The following KICS2 variants were observed in gnomAD, a reference collection of about 807,000 sequenced individuals.
KICS2 encodes the protein KICSTOR complex protein C12orf66.
In KICS2, 13 loss-of-function variants were observed where a neutral mutation model predicts 31.4. The ratio of observed to expected loss-of-function variants is 0.41; its 90% CI spans 0.27 to 0.66. The LOEUF (loss-of-function observed/expected upper bound fraction) is 0.66, where lower values mean the gene tolerates loss of function less well. Among genes scored for constraint, KICS2 ranks in the 30% least tolerant of loss-of-function variants. The pLI is 0.28. For missense variants in KICS2, 455 were observed against 545.4 expected (o/e 0.83, Z 1.65); for synonymous variants, 209 against 214.8 (o/e 0.97, Z 0.24).
chr12:64,210,880 T>A (rs1348912910), intron 2 of KICS2, among the ~76,000 whole-genome samples: 3 of 152,112 alleles, frequency 2.0e-5, no homozygotes, highest in Admixed American at 2.0e-4. Flanking sequence ...CACACACACA[T>A]CAGTAAGGTT....
At position 64,215,744 on chromosome 12, in the gene KICS2, T is replaced by G. The variant is rs1401022888; in HGVS notation, c.455A>C (p.Gln152Pro). ...FYEKMYTLST[Q>P]KFINAEELVG... ...GAGCTCTTCAGCATTGATGAACTTC[T>G]GTGTGCTGAGGGTGTACATCTTCTC... Residue 152 changes from glutamine (Q) to proline (P), a missense_variant, in exon 2 of 3, where the codon CAG becomes CCG. Physicochemically the swap from Gln to Pro is moderately conservative, Grantham distance 76 (BLOSUM62 -1). Transcript: ENST00000398055. The G allele has an allele frequency of 6.2e-7, 1 of 1,614,028 alleles. No individual in the cohort carries two copies. Among genetic ancestry groups the G allele is most frequent in the African/African-American group, 1.3e-5 (1 of 74,926 alleles).
chr12:64,218,966 G>A (rs2037654792), intron 1 of KICS2, among the ~76,000 whole-genome samples: 1 of 152,154 alleles, frequency 6.6e-6, no homozygotes, highest in South Asian at 2.1e-4. Flanking sequence ...AGCGGGGACT[G>A]ACCTTTCTTC....
rs1419609192 is a variant in KICS2 at position 64,194,200 on chromosome 12, C to A, written c.980G>T (p.Gly327Val). ...GGAATGGGGGTGGTGATAACCATGA[C>A]CCTGAAAACTCTCAGAACCTCTGTT... is the stretch of plus-strand genomic sequence containing the variant. ...FDNRGSESFQ[G>V]HGYHHPHSYR... Residue 327 changes from glycine to valine, a missense_variant, in exon 3 of 3, where the codon GGT (glycine) becomes GTT (valine). Gly to Val is a moderately radical substitution (Grantham distance 109). Transcript: ENST00000398055. 6.2e-7 allele frequency: 1 copy of A among 1,614,086 alleles called. No homozygotes were observed. The highest frequency in any genetic ancestry group is 1.1e-5 in the South Asian group (1 of 91,088).
chr12:64,200,093 GA>G (rs961298560), intron 2 of KICS2, among the ~76,000 whole-genome samples: 1 of 108,930 alleles, frequency 9.2e-6, no homozygotes, highest in Non-Finnish European at 1.8e-5. Flanking sequence ...CACAGAATTG[GA>G]AAAAACTACT....
At chr12:64,205,471 G>A (rs1202457127) in intron 2 of KICS2, among the ~76,000 whole-genome samples, 2 of 152,140 alleles carry the variant, frequency 1.3e-5, no homozygotes, top group African/African-American at 4.8e-5. Context: ...CGTATCATAG[G>A]AGGCTCTGTT....
At chr12:64,189,729 A>G (rs1361242774), downstream of KICS2, among the ~76,000 whole-genome samples, 1 of 152,164 alleles carries the variant, frequency 6.6e-6, no homozygotes, top group Non-Finnish European at 1.5e-5. Context: ...GGCCATAAAA[A>G]CACTGGGCAA....
chr12:64,215,748 T>C lies in KICS2; in HGVS notation c.451A>G (p.Thr151Ala). Reference sequence around the variant, plus strand: ...TCTTCAGCATTGATGAACTTCTGTGTGCTGAGGGTGTACATCTTCTCATAG... The same window carrying C: ...TCTTCAGCATTGATGAACTTCTGTGCGCTGAGGGTGTACATCTTCTCATAG... ...DFYEKMYTLSTQKFINAEELV... is the reference protein window; with the variant it reads ...DFYEKMYTLSAQKFINAEELV... The change falls in exon 2 of 3, where the codon ACA becomes GCA. Residue 151 changes from threonine to alanine, a missense_variant. Physicochemically the swap from Thr to Ala is moderately conservative, Grantham distance 58 (BLOSUM62 0). Coordinates refer to ENST00000398055, the MANE Select transcript of KICS2 (RefSeq NM_152440.5). 6.2e-7 allele frequency: 1 copy of C among 1,614,096 alleles called. No homozygotes were observed. Among genetic ancestry groups the C allele is most frequent in the Non-Finnish European group, 8.5e-7 (1 of 1,180,024 alleles).
chr12:64,218,182 C>T (rs1388323750), intron 1 of KICS2, among the ~76,000 whole-genome samples: 3 of 152,206 alleles, frequency 2.0e-5, no homozygotes, highest in African/African-American at 7.2e-5. Context: ...TGCCCATATT[C>T]AGTTTAGCTC....
intron 2 of KICS2, among the ~76,000 whole-genome samples, chr12:64,211,162 A>T (rs2037579229): frequency 6.6e-6 from 1 of 152,206 alleles, no homozygotes; most frequent in Admixed American, 6.5e-5. Context: ...ACTGTACTTC[A>T]GTTTTGGGGT....
At chr12:64,217,017 T>C (rs1047512313) in intron 1 of KICS2, among the ~76,000 whole-genome samples, 1 of 152,230 alleles carries the variant, frequency 6.6e-6, no homozygotes, top group African/African-American at 2.4e-5. Flanking sequence ...CATATACCTG[T>C]AATTAGGAAT....
Position 64,222,092 on chromosome 12 carries a change from C to T in KICS2, c.146G>A (p.Gly49Asp). The T allele has an allele frequency of 6.2e-7, 1 of 1,613,932 alleles. No homozygotes were observed. Among genetic ancestry groups the T allele is most frequent in the Non-Finnish European group, 8.5e-7 (1 of 1,179,918 alleles). ...GGCCGCCAGCAGCGACAGCCAGCTG[C>T]CCCCCGCGCTCTTGTTGGCCTCTCG... is the stretch of plus-strand genomic sequence containing the variant. ...KEREANKSAG[G>D]SWLSLLAALA... The change falls in exon 1 of 3, where the codon GGC becomes GAC. Residue 49 changes from glycine (G) to aspartate (D), a missense_variant. Gly to Asp is a moderately conservative substitution (Grantham distance 94). Coordinates refer to ENST00000398055, the MANE Select transcript of KICS2 (RefSeq NM_152440.5).
chr12:64,195,164 C>G (rs1176407135), intron 2 of KICS2, among the ~76,000 whole-genome samples: 1 of 152,180 alleles, frequency 6.6e-6, no homozygotes, highest in Admixed American at 6.5e-5. Context: ...ATCTTCCCAC[C>G]TTGGCCTTCC....
chr12:64,188,809 C>T (rs1228831895), downstream of KICS2, among the ~76,000 whole-genome samples: 1 of 151,968 alleles, frequency 6.6e-6, no homozygotes, highest in Non-Finnish European at 1.5e-5. Flanking sequence ...TTTAAAACTC[C>T]CCATTGTCTG....
chr12:64,212,930 A>C (rs140872716), intron 2 of KICS2, among the ~76,000 whole-genome samples: 5 of 152,056 alleles, frequency 3.3e-5, no homozygotes, highest in Admixed American at 2.6e-4. Flanking sequence ...TCTCTACCAA[A>C]AATGCAAAAA....
chr12:64,215,008 A>G (rs1404629337), intron 2 of KICS2, among the ~76,000 whole-genome samples: 3 of 151,864 alleles, frequency 2.0e-5, no homozygotes, highest in Admixed American at 2.0e-4. Flanking sequence ...ATTTGTTAAA[A>G]ATTCACATTA....
intron 1 of KICS2, among the ~76,000 whole-genome samples, chr12:64,216,490 T>C (rs1159449797): frequency 6.6e-6 from 1 of 152,202 alleles, no homozygotes; most frequent in Admixed American, 6.5e-5. Context: ...GAATCTAATC[T>C]TTTAGATCAT....
downstream of KICS2, among the ~76,000 whole-genome samples, chr12:64,189,319 A>G (rs1172704453): frequency 6.6e-6 from 1 of 152,230 alleles, no homozygotes; most frequent in African/African-American, 2.4e-5. Context: ...CAATTAGAAT[A>G]TTACCATTTT....
At chr12:64,208,934 A>T (rs1356411875) in intron 2 of KICS2, among the ~76,000 whole-genome samples, 1 of 152,146 alleles carries the variant, frequency 6.6e-6, no homozygotes, top group Non-Finnish European at 1.5e-5. Flanking sequence ...TTTACAATCT[A>T]TCTTGCAAAT....
chr12:64,202,408 A>G (rs1392503950), intron 2 of KICS2, among the ~76,000 whole-genome samples: 1 of 152,144 alleles, frequency 6.6e-6, no homozygotes, highest in African/African-American at 2.4e-5. Flanking sequence ...TCCAAAAAAA[A>G]AAAGTTTTTG....
Sources: allele counts gnomAD v4.1 joint callset (sites outside exome capture counted in the v4.1 genomes callset), GRCh38; gene constraint gnomAD v4.1.1; transcripts MANE v1.5; gene names NCBI Gene and HGNC (gene_info 2026-07-23, HGNC 2026-07-21).